ANKZF1: variants seen among roughly 807,000 people sequenced by gnomAD.
ANKZF1 encodes ankyrin repeat and zinc finger peptidyl tRNA hydrolase 1, also known as tRNA endonuclease ANKZF1.
ANKZF1 carries 84 observed loss-of-function variants against 86.0 expected under a neutral mutation model. The ratio of observed to expected loss-of-function variants is 0.98; its 90% CI spans 0.82 to 1.17. The LOEUF (loss-of-function observed/expected upper bound fraction) is 1.17. Among genes scored for constraint, ANKZF1 ranks in the 50% most tolerant of loss-of-function variants. The probability of loss-of-function intolerance (pLI) is 0.00; values close to 1 mark genes in which losing one functional copy is unlikely to be tolerated. For missense variants in ANKZF1, 893 were observed against 918.4 expected (o/e 0.97, Z 0.36); for synonymous variants, 331 against 354.2 (o/e 0.93, Z 0.74).
At position 219,234,083 on chromosome 2, in the gene ANKZF1, G is replaced by A. The variant is rs749361982; in HGVS notation, c.1049-50G>A. The A allele has an allele frequency of 1.3e-5, 21 of 1,585,528 alleles. No individual in the cohort carries two copies. In the East Asian group the frequency reaches 1.8e-4, roughly 13 times the overall value. ...TACATCTGCATTGAGAGAAACCTGC[G>A]CTAGCTTCTCCTCAGCTAAGGTTGA... On this transcript the variant is annotated intron_variant, in intron 8 of 13. Coordinates refer to ENST00000323348, the MANE Select transcript of ANKZF1 (RefSeq NM_018089.3).
Position 219,235,142 on chromosome 2 carries a change from T to A in ANKZF1, c.1521T>A (p.Val507=). 6.2e-7 allele frequency: 1 copy of A among 1,614,220 alleles called. No homozygotes were observed. Among genetic ancestry groups the A allele is most frequent in the Non-Finnish European group, 8.5e-7 (1 of 1,180,032 alleles). ...ALLAACRAGD[V]GVLKLQLAPS... ...TTGCTGCTTGCCGAGCTGGAGATGT[T>A]GGAGTGCTAAAGCTGCAGCTAGCTC... The change falls in exon 10 of 14, where the codon GTT becomes GTA. Residue 507 remains valine, a synonymous_variant. Transcript: ENST00000323348.
chr2:219,232,170 C>CGCAGTTGGTG, intron 3 of ANKZF1, 90 bp from the exon 4 acceptor site: 1 of 1,454,492 alleles, frequency 6.9e-7, no homozygotes, highest in Non-Finnish European at 9.5e-7. Context: ...CCTGGTTGTA[C>CGCAGTTGGTG]TTCCTAGAAT....
chr2:219,231,498 C>G lies in ANKZF1; in HGVS notation c.149-430C>G, dbSNP rs952018906. 2.2e-5 allele frequency: 4 copies of G among 184,244 alleles called. No homozygotes were observed. The South Asian group carries it at 3.7e-4, about 17-fold the overall frequency. 11.4% of individuals were successfully genotyped at this position (184,244 alleles called of 1,614,324 possible). ...CAAGCTCCGCCTCCCCGGTTCATGC[C>G]GTTCTCCTGCCTCAGCCTCCCAAGT... On this transcript the variant is annotated intron_variant, in intron 2 of 13. Coordinates refer to ENST00000323348, the MANE Select transcript of ANKZF1 (RefSeq NM_018089.3).
chr2:219,233,094 GCAGAACTGCTGCTA>G lies in ANKZF1; in HGVS notation c.581_594del (p.Leu194ProfsTer4), dbSNP rs1393708782. Reference sequence around the variant, plus strand: ...TGTCATCAAGGATCCCCCAGAAGAGGCAGAACTGCTGCTACAGAACCTGCAAAGTAGAGGTCCCA... The same window carrying G: ...TGTCATCAAGGATCCCCCAGAAGAGGCAGAACCTGCAAAGTAGAGGTCCCA... On this transcript the variant is annotated frameshift_variant, in exon 6 of 14. Coordinates refer to ENST00000323348, the MANE Select transcript of ANKZF1 (RefSeq NM_018089.3). LOFTEE classifies it high-confidence loss of function. 1 of 1,613,762 alleles carries G rather than the reference GCAGAACTGCTGCTA, an allele frequency of 6.2e-7. No individual in the cohort carries two copies. Among genetic ancestry groups the G allele is most frequent in the African/African-American group, 1.3e-5 (1 of 74,914 alleles).
chr2:219,230,451 C>T, intron 2 of ANKZF1, 46 bp downstream of exon 2: 1 of 1,549,866 alleles, frequency 6.5e-7, no homozygotes, highest in Non-Finnish European at 8.7e-7. Flanking sequence ...CTCCTTACAG[C>T]GTATTGCCCG....
Position 219,234,146 on chromosome 2 carries a change from G to A in ANKZF1, c.1062G>A (p.Arg354=). Residue 354 remains arginine (R), a synonymous_variant, in exon 9 of 14, where the codon CGG becomes CGA. Coordinates refer to ENST00000323348, the MANE Select transcript of ANKZF1 (RefSeq NM_018089.3). ...TTLHVYEEDP[R]EAVRLHSPQT... ...CTTTTATGGCAGAAGAAGACCCTCG[G>A]GAAGCAGTCAGACTGCACTCACCTC... The A allele has an allele frequency of 6.2e-7, 1 of 1,611,526 alleles. No individual in the cohort carries two copies. Among genetic ancestry groups the A allele is most frequent in the Non-Finnish European group, 8.5e-7 (1 of 1,179,456 alleles).
rs776469050 is a variant in ANKZF1 at position 219,234,188 on chromosome 2, A to C, written c.1104A>C (p.Thr368=). The change falls in exon 9 of 14, where the codon ACA becomes ACC. Residue 368 remains threonine, a synonymous_variant. Coordinates refer to ENST00000323348, the MANE Select transcript of ANKZF1 (RefSeq NM_018089.3). ...ACTCACCTCAGACACACTGGAAAAC[A>C]GTAAGAGAGGAGAGAAAGAAGCCTA... is the stretch of plus-strand genomic sequence containing the variant. ...RLHSPQTHWK[T]VREERKKPTE... 1.2e-6 allele frequency: 2 copies of C among 1,614,150 alleles called. No individual in the cohort carries two copies. The highest frequency in any genetic ancestry group is 1.7e-6 in the Non-Finnish European group (2 of 1,180,024).
rs201035522 is a variant in ANKZF1, at chr2:219,235,882, C to T, written c.1971+7C>T. ...CCTCAGTGACCGAGAGAAGGTGAGG[C>T]TGGAGGTTCTCTTGTCCATGGCAAG... is the stretch of plus-strand genomic sequence containing the variant. On this transcript the variant is annotated splice_region_variant and intron_variant, in intron 12 of 13. Transcript: ENST00000323348. The T allele has an allele frequency of 2.8e-4, 458 of 1,613,964 alleles. No homozygotes were observed. The highest frequency in any genetic ancestry group is 3.8e-4 in the Non-Finnish European group (448 of 1,179,948).
rs1367758652 is a variant in ANKZF1 at position 219,234,173 on chromosome 2, GAC to G, written c.1094_1095del (p.His365LeufsTer13). On this transcript the variant is annotated frameshift_variant, in exon 9 of 14. Coordinates refer to ENST00000323348, the MANE Select transcript of ANKZF1 (RefSeq NM_018089.3). LOFTEE classifies it high-confidence loss of function. ...AAGCAGTCAGACTGCACTCACCTCAGACACACTGGAAAACAGTAAGAGAGGAG... is the reference window on the plus strand; with the variant it reads ...AAGCAGTCAGACTGCACTCACCTCAGACACTGGAAAACAGTAAGAGAGGAG... ...REAVRLHSPQ[T>X]HWKTVREERK... The G allele has an allele frequency of 3.7e-6, 6 of 1,613,980 alleles. No homozygotes were observed. In the African/African-American group the frequency reaches 8.0e-5, roughly 22 times the overall value.
intron 9 of ANKZF1, 133 bp from the exon 10 acceptor site, chr2:219,234,693 C>CAG (rs1441679364): frequency 8.3e-7 from 1 of 1,209,606 alleles, no homozygotes; most frequent in Non-Finnish European, 1.2e-6. Context: ...ATAATGGACT[C>CAG]AGCTCTTGAT....
chr2:219,234,819 T>C lies in ANKZF1; in HGVS notation c.1205-7T>C. 6.2e-7 allele frequency: 1 copy of C among 1,601,038 alleles called. No individual in the cohort carries two copies. Among genetic ancestry groups the C allele is most frequent in the African/African-American group, 1.3e-5 (1 of 74,478 alleles). On this transcript the variant is annotated splice_polypyrimidine_tract_variant and splice_region_variant and intron_variant, in intron 9 of 13. Coordinates refer to ENST00000323348, the MANE Select transcript of ANKZF1 (RefSeq NM_018089.3). ...AGATGGATTTCACATGTCAGGTTTTTCCCTAGGTTCAGGGTCGGAGGGAGA... is the reference window on the plus strand; with the variant it reads ...AGATGGATTTCACATGTCAGGTTTTCCCCTAGGTTCAGGGTCGGAGGGAGA...
rs1413643921 is a variant in ANKZF1, at chr2:219,236,565, T to C, written c.*120T>C. 2 of 1,343,006 alleles carry C rather than the reference T, an allele frequency of 1.5e-6. No homozygotes were observed. Among genetic ancestry groups the C allele is most frequent in the African/African-American group, 2.9e-5 (2 of 68,168 alleles). The allele number at this position is 1,343,006 out of a possible 1,614,324, so 83.2% of individuals were successfully genotyped here. On this transcript the variant is annotated 3_prime_UTR_variant, in exon 14 of 14. Coordinates refer to ENST00000323348, the MANE Select transcript of ANKZF1 (RefSeq NM_018089.3). ...TTTGGAAGATGGGGGTGAAGGACACTCGGGAACTAGGGCAAAGACAGGGCT... is the reference window on the plus strand; with the variant it reads ...TTTGGAAGATGGGGGTGAAGGACACCCGGGAACTAGGGCAAAGACAGGGCT...
rs924917976 is a variant in ANKZF1 at position 219,231,823 on chromosome 2, C to T, written c.149-105C>T. The T allele has an allele frequency of 9.9e-6, 9 of 911,100 alleles. No individual in the cohort carries two copies. The Middle Eastern group carries it at 9.4e-4, about 95-fold the overall frequency. The allele number at this position is 911,100 out of a possible 1,614,324, so 56.4% of individuals were successfully genotyped here. On this transcript the variant is annotated intron_variant, in intron 2 of 13. Coordinates refer to ENST00000323348, the MANE Select transcript of ANKZF1 (RefSeq NM_018089.3). ...TTCCTTGAAGGCAGTATCATGCCAT[C>T]TCTTTTGTATCCTCCTCTGCTTTGT... is the stretch of plus-strand genomic sequence containing the variant.
chr2:219,230,254 A>G lies in ANKZF1; in HGVS notation c.-4A>G, dbSNP rs1318776382. 9.3e-6 allele frequency: 15 copies of G among 1,612,512 alleles called. No homozygotes were observed. Among genetic ancestry groups the G allele is most frequent in the Admixed American group, 1.7e-5 (1 of 59,890 alleles). On this transcript the variant is annotated 5_prime_UTR_variant, in exon 2 of 14. Coordinates refer to ENST00000323348, the MANE Select transcript of ANKZF1 (RefSeq NM_018089.3). ...AGCTGCTGCTAAATAATTTCTGCTC[A>G]GCCATGTCGCCGGCTCCAGATGCAG...
chr2:219,235,439 C>A, intron 10 of ANKZF1, 35 bp from the exon 11 acceptor site: 1 of 1,610,206 alleles, frequency 6.2e-7, no homozygotes, highest in Non-Finnish European at 8.5e-7. Context: ...AGGCAGGAGG[C>A]AAGTTAAACC....
intron 9 of ANKZF1, chr2:219,234,519 T>A: frequency 1.5e-6 from 1 of 652,292 alleles, no homozygotes; most frequent in Non-Finnish European, 2.6e-6. Flanking sequence ...TGCGTGGATG[T>A]GTTGCATGGA....
In ANKZF1 at chr2:219,236,475, AG is replaced by A; in HGVS notation, c.*33del. The A allele has an allele frequency of 6.5e-7, 1 of 1,542,356 alleles. No homozygotes were observed. Among genetic ancestry groups the A allele is most frequent in the South Asian group, 1.3e-5 (1 of 79,938 alleles). On this transcript the variant is annotated 3_prime_UTR_variant, in exon 14 of 14. Coordinates refer to ENST00000323348, the MANE Select transcript of ANKZF1 (RefSeq NM_018089.3). ...TTACAGCTCTACCTGGGGCCAACTC[AG>A]GGACCTGAGAGGGCACATTCACAGC...
At chr2:219,235,670 A>T (rs779003147) in intron 11 of ANKZF1, 38 bp from the exon 12 acceptor site, 1 of 1,611,510 alleles carries the variant, frequency 6.2e-7, no homozygotes, top group Non-Finnish European at 8.5e-7. Flanking sequence ...AGTTTTACCA[A>T]AGATAACTTA....
Position 219,234,262 on chromosome 2 carries a change from G to A in ANKZF1, c.1178G>A (p.Gly393Glu). Residue 393 changes from glycine to glutamate, a missense_variant, in exon 9 of 14, where the codon GGG becomes GAG. Transcript: ENST00000323348. ...KICRDEKEAL[G>E]QNEESPKQGS... is the part of the protein sequence containing the mutation. ...TGCAGGGATGAAAAGGAAGCGCTGGGGCAGAATGAGGAATCTCCCAAACAG... is the reference window on the plus strand; with the variant it reads ...TGCAGGGATGAAAAGGAAGCGCTGGAGCAGAATGAGGAATCTCCCAAACAG... 6.2e-7 allele frequency: 1 copy of A among 1,613,906 alleles called. No individual in the cohort carries two copies. The highest frequency in any genetic ancestry group is 1.1e-5 in the South Asian group (1 of 91,082).
Sources: gnomAD v4.1 joint callset for allele counts on GRCh38, gnomAD v4.1.1 for gene constraint, MANE v1.5 for transcripts, NCBI Gene and HGNC (gene_info 2026-07-23, HGNC 2026-07-21) for gene names.